SLIT2: variants seen among roughly 807,000 people sequenced by gnomAD.
SLIT2 encodes slit guidance ligand 2, also known as slit homolog 2 protein.
SLIT2 carries 41 observed loss-of-function variants against 185.7 expected under a neutral mutation model. The ratio of observed to expected loss-of-function variants is 0.22; its 90% CI spans 0.17 to 0.29. The LOEUF (loss-of-function observed/expected upper bound fraction) is 0.29, where lower values mean the gene tolerates loss of function less well. SLIT2 is among the 10% of genes least tolerant of loss of function. The pLI, the probability that SLIT2 is intolerant of heterozygous loss-of-function variation, is 1.00. For synonymous variants in SLIT2, 693 were observed against 680.2 expected, an observed-to-expected ratio of 1.02 and a Z score of -0.29; for missense variants, 1,571 against 1,909.0, an observed-to-expected ratio of 0.82 and a Z score of 3.30.
intron 9 of SLIT2, among the ~76,000 whole-genome samples, chr4:20,499,490 G>T (rs1281526034): frequency 6.6e-6 from 1 of 151,672 alleles, no homozygotes; most frequent in East Asian, 1.9e-4. Context: ...TTTGTTTTTT[G>T]TTTGTTTGTT....
chr4:20,467,472 C>T (rs1453104249), intron 4 of SLIT2, among the ~76,000 whole-genome samples: 1 of 152,026 alleles, frequency 6.6e-6, no homozygotes, highest in East Asian at 1.9e-4. Flanking sequence ...TACACAGATA[C>T]AGTGACTCTT....
intron 4 of SLIT2, among the ~76,000 whole-genome samples, chr4:20,344,696 G>T (rs1721238681): frequency 6.6e-6 from 1 of 152,104 alleles, no homozygotes; most frequent in South Asian, 2.1e-4. Flanking sequence ...CTAGTGAACT[G>T]CTTTGTGAAT....
intron 29 of SLIT2, among the ~76,000 whole-genome samples, chr4:20,570,411 ATAT>A (rs1725471492): frequency 6.6e-6 from 1 of 151,918 alleles, no homozygotes; most frequent in African/African-American, 2.4e-5. Context: ...AATATTACCA[ATAT>A]TATCACACCT....
intron 4 of SLIT2, among the ~76,000 whole-genome samples, chr4:20,442,294 C>T (rs1004532933): frequency 3.3e-5 from 5 of 151,880 alleles, no homozygotes; most frequent in South Asian, 4.2e-4. Flanking sequence ...CCGAGGCGGG[C>T]GGATCATGAG....
intron 4 of SLIT2, among the ~76,000 whole-genome samples, chr4:20,352,008 A>C (rs1055445618): frequency 2.0e-5 from 3 of 152,144 alleles, no homozygotes; most frequent in Non-Finnish European, 4.4e-5. Flanking sequence ...CACATGCTTG[A>C]ATTTCTCTTA....
intron 34 of SLIT2, among the ~76,000 whole-genome samples, chr4:20,611,727 C>T (rs1269975710): frequency 6.6e-6 from 1 of 152,176 alleles, no homozygotes; most frequent in African/African-American, 2.4e-5. Flanking sequence ...ATGCTATGTG[C>T]CCAACACAGT....
chr4:20,568,508 G>A (rs778744237), intron 28 of SLIT2, among the ~76,000 whole-genome samples: 7 of 151,834 alleles, frequency 4.6e-5, no homozygotes, highest in Non-Finnish European at 8.8e-5. Flanking sequence ...GAGCAAAGAA[G>A]CCTGAATTAT....
intron 5 of SLIT2, among the ~76,000 whole-genome samples, chr4:20,477,325 T>C (rs561648789): frequency 6.6e-6 from 1 of 151,874 alleles, no homozygotes; most frequent in Non-Finnish European, 1.5e-5. Flanking sequence ...CCTCCTCCCA[T>C]GTAGCTGGGA....
At chr4:20,539,626 T>G in intron 19 of SLIT2, 42 bp downstream of exon 19, 3 of 1,349,742 alleles carry the variant, frequency 2.2e-6, no homozygotes, top group Non-Finnish European at 3.1e-6. Context: ...TTGAGCCATT[T>G]ATTATATTTG....
chr4:20,508,644 A>T (rs1178016178), intron 9 of SLIT2, among the ~76,000 whole-genome samples: 1 of 152,102 alleles, frequency 6.6e-6, no homozygotes, highest in Non-Finnish European at 1.5e-5. Flanking sequence ...AATATGCATA[A>T]ATAAATATGC....
intron 34 of SLIT2, among the ~76,000 whole-genome samples, chr4:20,614,255 A>T (rs887436063): frequency 6.6e-6 from 1 of 152,178 alleles, no homozygotes; most frequent in Admixed American, 6.5e-5. Flanking sequence ...AAAATCAAAA[A>T]ATAAGCCCCA....
At chr4:20,320,366 T>G (rs1213810662) in intron 4 of SLIT2, among the ~76,000 whole-genome samples, 1 of 152,156 alleles carries the variant, frequency 6.6e-6, no homozygotes, top group East Asian at 1.9e-4. Flanking sequence ...ATCACTCAGC[T>G]TTCAGTTTGA....
chr4:20,449,970 T>C (rs1024409271), intron 4 of SLIT2, among the ~76,000 whole-genome samples: 23 of 147,760 alleles, frequency 1.6e-4, no homozygotes, highest in East Asian at 1.4e-3. Flanking sequence ...GTTTTTTTTT[T>C]CCCAGATTAC....
At chr4:20,434,081 T>A (rs967004969) in intron 4 of SLIT2, among the ~76,000 whole-genome samples, 4 of 152,142 alleles carry the variant, frequency 2.6e-5, no homozygotes, top group Non-Finnish European at 5.9e-5. Context: ...ATAACAGTGT[T>A]TCTGATCTCC....
chr4:20,613,707 A>G (rs1729419279), intron 34 of SLIT2, among the ~76,000 whole-genome samples: 1 of 152,180 alleles, frequency 6.6e-6, no homozygotes, highest in Admixed American at 6.5e-5. Context: ...AAGTTAAAAA[A>G]CAAAACAAAA....
At chr4:20,384,257 A>C (rs983453265) in intron 4 of SLIT2, among the ~76,000 whole-genome samples, 3 of 152,216 alleles carry the variant, frequency 2.0e-5, no homozygotes, top group Admixed American at 6.5e-5. Context: ...GCATTATGTT[A>C]TGTGAAAGCA....
intron 18 of SLIT2, among the ~76,000 whole-genome samples, chr4:20,534,401 T>A (rs747074048): frequency 1.3e-5 from 2 of 152,150 alleles, no homozygotes; most frequent in Non-Finnish European, 2.9e-5. Context: ...TCCAAAGAGT[T>A]GTTGTCCAAG....
chr4:20,551,248 A>C (rs1328161934), intron 25 of SLIT2, among the ~76,000 whole-genome samples: 2 of 152,188 alleles, frequency 1.3e-5, no homozygotes, highest in African/African-American at 4.8e-5. Context: ...TGCTTTTCTA[A>C]GTCACATCTC....
At chr4:20,419,457 A>G (rs986491445) in intron 4 of SLIT2, among the ~76,000 whole-genome samples, 3 of 152,086 alleles carry the variant, frequency 2.0e-5, no homozygotes, top group African/African-American at 7.2e-5. Flanking sequence ...GAAAATTCCC[A>G]TGGGCTTCTC....
Sources: gnomAD v4.1 joint callset for allele counts (sites outside exome capture counted in the v4.1 genomes callset) on GRCh38, gnomAD v4.1.1 for gene constraint, MANE v1.5 for transcripts, NCBI Gene and HGNC (gene_info 2026-07-23, HGNC 2026-07-21) for gene names.